The following DAB2IP variants were observed in gnomAD, a reference collection of about 807,000 sequenced individuals.
The protein encoded by DAB2IP is DAB2 interacting protein.
A neutral mutation model predicts 107.2 loss-of-function variants in DAB2IP; 28 were observed. The ratio of observed to expected loss-of-function variants is 0.26; its 90% CI spans 0.19 to 0.36. The LOEUF (loss-of-function observed/expected upper bound fraction) is 0.36. Ranked by LOEUF, DAB2IP falls within the 10% of genes least tolerant of loss-of-function variation. DAB2IP has a pLI of 1.00. For missense variants in DAB2IP, 1,400 were observed against 1,644.7 expected (o/e 0.85, Z 2.57); for synonymous variants, 755 against 706.4 (o/e 1.07, Z -1.09).
At chr9:121,731,811 G>A (rs749395542) in intron 3 of DAB2IP, among the ~76,000 whole-genome samples, 37 of 152,114 alleles carry the variant, frequency 2.4e-4, no homozygotes, top group Non-Finnish European at 5.1e-4. Context: ...ACTACCCCAC[G>A]ATATTATTGC....
chr9:121,737,490 C>A (rs1564189558), intron 3 of DAB2IP: 1 of 985,436 alleles, frequency 1.0e-6, no homozygotes, highest in African/African-American at 1.7e-5. Flanking sequence ...CCGAGAGGCC[C>A]CCTAATCTGT....
intron 1 of DAB2IP, among the ~76,000 whole-genome samples, chr9:121,644,383 G>A (rs1832465278): frequency 6.6e-6 from 1 of 152,154 alleles, no homozygotes; most frequent in Non-Finnish European, 1.5e-5. Flanking sequence ...GATCACCTGA[G>A]GTCAGGCGTT....
At chr9:121,751,863 A>G in intron 3 of DAB2IP, 1 of 915,464 alleles carries the variant, frequency 1.1e-6, no homozygotes, top group South Asian at 5.0e-5. Context: ...GCTCCTCTGT[A>G]GCAGCGGAGT....
chr9:121,612,645 G>C (rs1414491697), intron 1 of DAB2IP, among the ~76,000 whole-genome samples: 2 of 152,128 alleles, frequency 1.3e-5, no homozygotes, highest in African/African-American at 2.4e-5. Context: ...TCTCCCTTCC[G>C]AGAACCGCCA....
chr9:121,738,940 G>A (rs1483701590), intron 3 of DAB2IP, among the ~76,000 whole-genome samples: 1 of 152,254 alleles, frequency 6.6e-6, no homozygotes, highest in African/African-American at 2.4e-5. Context: ...GAGAAACAAA[G>A]TGATTCTGCT....
intron 3 of DAB2IP, among the ~76,000 whole-genome samples, chr9:121,749,982 G>A (rs759385362): frequency 5.3e-5 from 8 of 152,144 alleles, no homozygotes; most frequent in African/African-American, 1.9e-4. Context: ...TCCTGACATC[G>A]TGGCTGGCAA....
intron 1 of DAB2IP, among the ~76,000 whole-genome samples, chr9:121,636,023 C>T (rs936252295): frequency 2.0e-5 from 3 of 152,152 alleles, no homozygotes; most frequent in African/African-American, 7.2e-5. Flanking sequence ...CGTGTCTCAG[C>T]CTCTTGAGTA....
chr9:121,757,281 C>G, intron 4 of DAB2IP, 115 bp downstream of exon 4: 1 of 1,385,104 alleles, frequency 7.2e-7, no homozygotes, highest in Non-Finnish European at 9.7e-7. Context: ...GGGCCAGGGT[C>G]TTGGGGACAG....
Position 121,772,635 on chromosome 9 carries a change from C to T in DAB2IP, c.2107C>T (p.Pro703Ser). ...GATAGATTTCACCCGGTTACCGTCT[C>T]CAACCCCCGAAAACAAGGACTTGTT... Residue 703 changes from proline to serine, a missense_variant, in exon 12 of 16, where the codon CCA becomes TCA. This residue lies in a region of DAB2IP where 517 missense variants were observed against 748.6 expected (regional missense o/e 0.69). Transcript: ENST00000408936. The surrounding 1 kb of genome is among the most constrained non-coding windows in gnomAD (Gnocchi z 4.7). 1.2e-6 allele frequency: 2 copies of T among 1,613,930 alleles called. No individual in the cohort carries two copies. The highest frequency in any genetic ancestry group is 2.2e-5 in the South Asian group (2 of 91,044).
intron 1 of DAB2IP, among the ~76,000 whole-genome samples, chr9:121,642,227 C>G (rs1371307742): frequency 2.0e-5 from 3 of 151,252 alleles, no homozygotes; most frequent in Non-Finnish European, 4.4e-5. Context: ...ACTACAGGCA[C>G]ACACCACCAT....
At chr9:121,646,865 C>T (rs1832558475), upstream of DAB2IP, among the ~76,000 whole-genome samples, 1 of 152,178 alleles carries the variant, frequency 6.6e-6, no homozygotes, top group Admixed American at 6.5e-5. Context: ...GGTTCAAATC[C>T]TGCCTCCTAG....
Position 121,568,765 on chromosome 9 carries a change from G to C in DAB2IP, c.40+1537G>C, listed in dbSNP as rs532506630. Among the ~76,000 whole-genome samples the C allele has an allele frequency of 2.0e-4, 30 of 152,340 alleles. 1 individual carries two copies. The South Asian group carries it at 6.2e-3, about 32-fold the overall frequency. On this transcript the variant is annotated intron_variant, in intron 1 of 16. Coordinates refer to the DAB2IP transcript ENST00000259371. ...CACTGACCTTTGAAGAGGCAGGCGA[G>C]GGGGTGGGAAGGACCAGCCCCAGCC... is the stretch of plus-strand genomic sequence containing the variant.
chr9:121,607,217 G>T (rs993047875), intron 1 of DAB2IP, among the ~76,000 whole-genome samples: 2 of 152,180 alleles, frequency 1.3e-5, no homozygotes, highest in Admixed American at 6.5e-5. Flanking sequence ...TTGGAGTGAG[G>T]TCTGATGGAT....
chr9:121,783,590 T>TAA (rs898165075), exon 16 of DAB2IP: 3 of 1,611,140 alleles, frequency 1.9e-6, no homozygotes, highest in Non-Finnish European at 2.5e-6. Context: ...AGGGGCCTTT[T>TAA]AAGTTGAGCG....
At chr9:121,722,453 C>T (rs543025246) in intron 3 of DAB2IP, among the ~76,000 whole-genome samples, 2 of 152,286 alleles carry the variant, frequency 1.3e-5, no homozygotes, top group South Asian at 2.1e-4. Flanking sequence ...TGCCACTCCC[C>T]CCATGATCCA....
intron 3 of DAB2IP, among the ~76,000 whole-genome samples, chr9:121,740,175 TTC>T (rs1385018108): frequency 6.6e-6 from 1 of 152,126 alleles, no homozygotes; most frequent in Non-Finnish European, 1.5e-5. Flanking sequence ...GGCCTGAATG[TTC>T]TCTGTCCACA....
chr9:121,595,247 A>G (rs1830504537), intron 1 of DAB2IP, among the ~76,000 whole-genome samples: 1 of 152,114 alleles, frequency 6.6e-6, no homozygotes, highest in Admixed American at 6.5e-5. Flanking sequence ...CCTTAAAAAA[A>G]AAAAGTGATG....
Position 121,572,128 on chromosome 9 carries a change from A to G in DAB2IP, c.40+4900A>G, listed in dbSNP as rs549985533. ...CAGAGGCCTGGCAGCGGCCAGCATAAGAGAAAAAGTCCTGCCCTGCAAAAT... is the reference window on the plus strand; with the variant it reads ...CAGAGGCCTGGCAGCGGCCAGCATAGGAGAAAAAGTCCTGCCCTGCAAAAT... On this transcript the variant is annotated intron_variant, in intron 1 of 16. Coordinates refer to the DAB2IP transcript ENST00000259371. Among the ~76,000 whole-genome samples the G allele has an allele frequency of 1.4e-4, 22 of 152,244 alleles. 1 individual carries two copies. The highest frequency in any genetic ancestry group is 4.8e-4 in the African/African-American group (20 of 41,500).
At chr9:121,636,292 C>T (rs1589435232) in intron 1 of DAB2IP, among the ~76,000 whole-genome samples, 1 of 152,334 alleles carries the variant, frequency 6.6e-6, no homozygotes, top group Admixed American at 6.5e-5. Flanking sequence ...CATCCTCTTC[C>T]TCCTGGCCAG....
Sources: allele counts gnomAD v4.1 joint callset (sites outside exome capture counted in the v4.1 genomes callset), GRCh38; gene constraint gnomAD v4.1.1; regional missense constraint gnomAD v4.1.1; non-coding constraint Gnocchi (gnomAD v3.1); transcripts MANE v1.5; gene names NCBI Gene and HGNC (gene_info 2026-07-23, HGNC 2026-07-21).